The following KCNQ1OT1 variants were observed in gnomAD, a reference collection of about 807,000 sequenced individuals.
The protein encoded by KCNQ1OT1 is KCNQ1 opposite strand/antisense transcript 1.
Position 2,676,161 on chromosome 11 carries a change from C to T in KCNQ1OT1, n.23834G>A, listed in dbSNP as rs930383583. ...GTAGCATACTGTATGTATTTTTCTA[C>T]ACTTTGCCTTTGACTTCTTCCATAG... On this transcript the variant is annotated non_coding_transcript_exon_variant, in exon 1 of 1. Coordinates refer to ENST00000597346, the Ensembl canonical transcript of KCNQ1OT1. The surrounding 1 kb of genome is among the most constrained non-coding windows in gnomAD (Gnocchi z 4.2). 10 of 398,502 alleles carry T rather than the reference C, an allele frequency of 2.5e-5. No homozygotes were observed. Among genetic ancestry groups the T allele is most frequent in the Non-Finnish European group, 4.0e-5 (9 of 226,066 alleles). The allele number at this position is 398,502 out of a possible 1,614,324, so 24.7% of individuals were successfully genotyped here. A position where few individuals can be genotyped will look rare whatever the true frequency, so the allele number is the denominator to read the frequency against.
At position 2,617,312 on chromosome 11, in the gene KCNQ1OT1, A is replaced by C. The variant is rs1849083552; in HGVS notation, n.82683T>G. 2.5e-6 allele frequency: 1 copy of C among 398,410 alleles called. No individual in the cohort carries two copies. Among genetic ancestry groups the C allele is most frequent in the African/African-American group, 2.1e-5 (1 of 48,730 alleles). The allele number at this position is 398,410 out of a possible 1,614,324, so 24.7% of individuals were successfully genotyped here. ...TTTTTCTTTTTAAGATTCTACATAT[A>C]GGTGAGATTATTTAAAACTTTTCAT... On this transcript the variant is annotated non_coding_transcript_exon_variant, in exon 1 of 1. Coordinates refer to ENST00000597346, the Ensembl canonical transcript of KCNQ1OT1. The surrounding 1 kb of genome is among the most constrained non-coding windows in gnomAD (Gnocchi z 4.6).
Position 2,626,859 on chromosome 11 carries a change from TC to T in KCNQ1OT1, n.73135del. 2 of 398,588 alleles carry T rather than the reference TC, an allele frequency of 5.0e-6. No individual in the cohort carries two copies. Among genetic ancestry groups the T allele is most frequent in the Non-Finnish European group, 8.8e-6 (2 of 226,062 alleles). 24.7% of individuals were successfully genotyped at this position (398,588 alleles called of 1,614,324 possible). A position where few individuals can be genotyped will look rare whatever the true frequency, so the allele number is the denominator to read the frequency against. On this transcript the variant is annotated non_coding_transcript_exon_variant, in exon 1 of 1. Coordinates refer to ENST00000597346, the Ensembl canonical transcript of KCNQ1OT1. The surrounding 1 kb of genome is among the most constrained non-coding windows in gnomAD (Gnocchi z 4.0). ...AAGTTTTCAAATCAGAAAGTGTGAG[TC>T]CTCCAATGTTGTTCATCATTTTCAA... is the stretch of plus-strand genomic sequence containing the variant.
Position 2,659,022 on chromosome 11 carries a change from C to G in KCNQ1OT1, n.40973G>C. On this transcript the variant is annotated non_coding_transcript_exon_variant, in exon 1 of 1. Transcript: ENST00000597346. This position sits in a 1 kb window ranked among gnomAD's most constrained non-coding sequence, Gnocchi z 4.3. ...AAGCAACATATGCCAGCTCCTCCTCCTCCTTTCCTTTCACTGCTATGTCAT... is the reference window on the plus strand; with the variant it reads ...AAGCAACATATGCCAGCTCCTCCTCGTCCTTTCCTTTCACTGCTATGTCAT... The G allele has an allele frequency of 2.5e-6, 1 of 398,620 alleles. No individual in the cohort carries two copies. The highest frequency in any genetic ancestry group is 4.4e-6 in the Non-Finnish European group (1 of 226,068). 24.7% of individuals were successfully genotyped at this position (398,620 alleles called of 1,614,324 possible). A position where few individuals can be genotyped will look rare whatever the true frequency, so the allele number is the denominator to read the frequency against.
At chr11:2,628,129 C>G (rs1034347694) in exon 1 of KCNQ1OT1, 4 of 398,584 alleles carry the variant, frequency 1.0e-5, no homozygotes, top group African/African-American at 8.2e-5. Flanking sequence ...AAGATACTGA[C>G]TTTGTTTTCC....
Position 2,663,923 on chromosome 11 carries a change from G to A in KCNQ1OT1, n.36072C>T. 5.0e-6 allele frequency: 2 copies of A among 398,714 alleles called. No homozygotes were observed. The highest frequency in any genetic ancestry group is 8.8e-6 in the Non-Finnish European group (2 of 226,114). The allele number at this position is 398,714 out of a possible 1,614,324, so 24.7% of individuals were successfully genotyped here. A position where few individuals can be genotyped will look rare whatever the true frequency, so the allele number is the denominator to read the frequency against. ...GCTGTGTCATCTAGGACACTGGGCT[G>A]TTTCTTGTTCCACTCCAGGATGACA... On this transcript the variant is annotated non_coding_transcript_exon_variant, in exon 1 of 1. Coordinates refer to ENST00000597346, the Ensembl canonical transcript of KCNQ1OT1. The surrounding 1 kb of genome is among the most constrained non-coding windows in gnomAD (Gnocchi z 5.2).
chr11:2,683,147 G>T lies in KCNQ1OT1; in HGVS notation n.16848C>A, dbSNP rs1850426819. 3 of 398,612 alleles carry T rather than the reference G, an allele frequency of 7.5e-6. No individual in the cohort carries two copies. The East Asian group carries it at 1.1e-4, about 14-fold the overall frequency. 24.7% of individuals were successfully genotyped at this position (398,612 alleles called of 1,614,324 possible). The stretch of plus-strand genomic sequence containing the variant: ...CTCAGGAGGGTGTGGGGATGGGCTA[G>T]CATTAGGAATGGGTATTAGCATCTG... On this transcript the variant is annotated non_coding_transcript_exon_variant, in exon 1 of 1. Transcript: ENST00000597346. The surrounding 1 kb of genome is among the most constrained non-coding windows in gnomAD (Gnocchi z 4.7).
At chr11:2,696,281 T>A (rs1219683071) in exon 1 of KCNQ1OT1, 1 of 398,534 alleles carries the variant, frequency 2.5e-6, no homozygotes, top group Admixed American at 4.4e-5. Flanking sequence ...GGAGTCTACT[T>A]TTCCTAGGGG....
In KCNQ1OT1 at chr11:2,623,912, A is replaced by T; in HGVS notation, n.76083T>A. On this transcript the variant is annotated non_coding_transcript_exon_variant, in exon 1 of 1. Coordinates refer to ENST00000597346, the Ensembl canonical transcript of KCNQ1OT1. This position sits in a 1 kb window ranked among gnomAD's most constrained non-coding sequence, Gnocchi z 5.2. Reference sequence around the variant, plus strand: ...TTCAGAAGTGGAATTGATGGATCCTATGATAATTCCATTTTTAATTCTTTG... The same window carrying T: ...TTCAGAAGTGGAATTGATGGATCCTTTGATAATTCCATTTTTAATTCTTTG... 2.5e-6 allele frequency: 1 copy of T among 398,582 alleles called. No individual in the cohort carries two copies. Among genetic ancestry groups the T allele is most frequent in the Non-Finnish European group, 4.4e-6 (1 of 226,046 alleles). 24.7% of individuals were successfully genotyped at this position (398,582 alleles called of 1,614,324 possible). A position where few individuals can be genotyped will look rare whatever the true frequency, so the allele number is the denominator to read the frequency against.
Position 2,647,223 on chromosome 11 carries a change from T to A in KCNQ1OT1, n.52772A>T, listed in dbSNP as rs1174923467. On this transcript the variant is annotated non_coding_transcript_exon_variant, in exon 1 of 1. Transcript: ENST00000597346. The surrounding 1 kb of genome is among the most constrained non-coding windows in gnomAD (Gnocchi z 4.0). ...TATCAGATGCTTTTTCTGCATCTAT[T>A]GAGATGATCATGTATTTTTTTGTCC... is the stretch of plus-strand genomic sequence containing the variant. 3 of 398,422 alleles carry A rather than the reference T, an allele frequency of 7.5e-6. No homozygotes were observed. In the East Asian group the frequency reaches 1.1e-4, roughly 14 times the overall value. 24.7% of individuals were successfully genotyped at this position (398,422 alleles called of 1,614,324 possible). A position where few individuals can be genotyped will look rare whatever the true frequency, so the allele number is the denominator to read the frequency against.
exon 1 of KCNQ1OT1, chr11:2,631,414 T>C: frequency 2.5e-6 from 1 of 398,536 alleles, no homozygotes; most frequent in East Asian, 3.6e-5. Context: ...ATTCTTCACC[T>C]CCAAAATGTT....
exon 1 of KCNQ1OT1, chr11:2,694,856 C>G (rs1190473482): frequency 2.5e-6 from 1 of 398,464 alleles, no homozygotes; most frequent in Non-Finnish European, 4.4e-6. Flanking sequence ...AGCAAAATTT[C>G]CTGTGAGATT....
At position 2,663,880 on chromosome 11, in the gene KCNQ1OT1, T is replaced by A. The variant is rs939411264; in HGVS notation, n.36115A>T. 4 of 398,518 alleles carry A rather than the reference T, an allele frequency of 1.0e-5. No individual in the cohort carries two copies. The highest frequency in any genetic ancestry group is 8.2e-5 in the African/African-American group (4 of 48,610). The allele number at this position is 398,518 out of a possible 1,614,324, so 24.7% of individuals were successfully genotyped here. A position where few individuals can be genotyped will look rare whatever the true frequency, so the allele number is the denominator to read the frequency against. The stretch of plus-strand genomic sequence containing the variant: ...CAGAGGTTACCCACCTGCCCAAGGG[T>A]GACCCCAAGCCAGTGTGGCTGTGTC... On this transcript the variant is annotated non_coding_transcript_exon_variant, in exon 1 of 1. Coordinates refer to ENST00000597346, the Ensembl canonical transcript of KCNQ1OT1. This position sits in a 1 kb window ranked among gnomAD's most constrained non-coding sequence, Gnocchi z 5.2.
At chr11:2,641,894 TTTC>T (rs1564842618) in exon 1 of KCNQ1OT1, 10 of 398,532 alleles carry the variant, frequency 2.5e-5, no homozygotes, top group Non-Finnish European at 4.4e-5. Flanking sequence ...AGGGTGCTCT[TTTC>T]CCAGTGTATG....
In KCNQ1OT1 at chr11:2,620,947, T is replaced by TG. The variant is rs1849160123; in HGVS notation, n.79047dup. The TG allele has an allele frequency of 3.3e-6, 1 of 301,972 alleles. No homozygotes were observed. Among genetic ancestry groups the TG allele is most frequent in the African/African-American group, 4.3e-5 (1 of 23,446 alleles). 18.7% of individuals were successfully genotyped at this position (301,972 alleles called of 1,614,324 possible). On this transcript the variant is annotated non_coding_transcript_exon_variant, in exon 1 of 1. Transcript: ENST00000597346. The surrounding 1 kb of genome is among the most constrained non-coding windows in gnomAD (Gnocchi z 4.5). ...TTTTTTTGTTGTTGTTGTTTTGTTTTGTTTTTTTTTGTCTGTTTTTTGCTT... is the reference window on the plus strand; with the variant it reads ...TTTTTTTGTTGTTGTTGTTTTGTTTTGGTTTTTTTTTGTCTGTTTTTTGCTT...
rs1849171040 is a variant in KCNQ1OT1, at chr11:2,621,444, G to A, written n.78551C>T. The A allele has an allele frequency of 5.0e-6, 2 of 398,426 alleles. No homozygotes were observed. The highest frequency in any genetic ancestry group is 1.3e-4 in the South Asian group (1 of 7,858). 24.7% of individuals were successfully genotyped at this position (398,426 alleles called of 1,614,324 possible). A position where few individuals can be genotyped will look rare whatever the true frequency, so the allele number is the denominator to read the frequency against. ...AAGTTCCTTATGGATTCTGGACATAGGACCTTTGCCAGATGAATAGTTTGC... is the reference window on the plus strand; with the variant it reads ...AAGTTCCTTATGGATTCTGGACATAAGACCTTTGCCAGATGAATAGTTTGC... On this transcript the variant is annotated non_coding_transcript_exon_variant, in exon 1 of 1. Coordinates refer to ENST00000597346, the Ensembl canonical transcript of KCNQ1OT1. This position sits in a 1 kb window ranked among gnomAD's most constrained non-coding sequence, Gnocchi z 5.7.
rs1850235248 is a variant in KCNQ1OT1 at position 2,673,884 on chromosome 11, A to AG, written n.26110dup. On this transcript the variant is annotated non_coding_transcript_exon_variant, in exon 1 of 1. Transcript: ENST00000597346. This position sits in a 1 kb window ranked among gnomAD's most constrained non-coding sequence, Gnocchi z 4.5. The stretch of plus-strand genomic sequence containing the variant: ...AGAGGGACTTCCTGAAAGCAGGCAC[A>AG]GGAAGGGATGGGAGCTCAGCTCACC... 2.5e-6 allele frequency: 1 copy of AG among 396,870 alleles called. No individual in the cohort carries two copies. The highest frequency in any genetic ancestry group is 2.1e-5 in the African/African-American group (1 of 48,056). The allele number at this position is 396,870 out of a possible 1,614,324, so 24.6% of individuals were successfully genotyped here. A position where few individuals can be genotyped will look rare whatever the true frequency, so the allele number is the denominator to read the frequency against.
exon 1 of KCNQ1OT1, chr11:2,681,599 C>G (rs747145263): frequency 2.5e-6 from 1 of 398,378 alleles, no homozygotes; most frequent in Non-Finnish European, 4.4e-6. Context: ...CTTGCTTGCT[C>G]ACTCGCTCTC....
chr11:2,656,400 C>A, exon 1 of KCNQ1OT1: 1 of 398,690 alleles, frequency 2.5e-6, no homozygotes. Context: ...GTCATGGGCA[C>A]AGAGCCCTTT....
At chr11:2,685,867 A>G in exon 1 of KCNQ1OT1, 2 of 398,722 alleles carry the variant, frequency 5.0e-6, no homozygotes, top group Non-Finnish European at 8.8e-6. Flanking sequence ...CCCAGGACTC[A>G]GACCACAACT....
Sources: gnomAD v4.1 joint callset for allele counts on GRCh38, gnomAD v4.1.1 for gene constraint, Gnocchi (gnomAD v3.1) non-coding constraint, MANE v1.5 for transcripts, NCBI Gene and HGNC (gene_info 2026-07-23, HGNC 2026-07-21) for gene names.